The following ANKIB1 variants were observed in gnomAD, a reference collection of about 807,000 sequenced individuals.
The protein encoded by ANKIB1 is ankyrin repeat and IBR domain containing 1.
ANKIB1 carries 43 observed loss-of-function variants against 122.1 expected under a neutral mutation model. The observed-to-expected ratio is 0.35, with a 90% CI of 0.28 to 0.45. ANKIB1 has a LOEUF of 0.45. Among genes scored for constraint, ANKIB1 ranks in the 20% least tolerant of loss-of-function variants. The pLI, the probability that ANKIB1 is intolerant of heterozygous loss-of-function variation, is 1.00. For missense variants in ANKIB1, 992 were observed against 1,329.5 expected, an observed-to-expected ratio of 0.75 and a Z score of 3.95; for synonymous variants, 390 against 442.0, an observed-to-expected ratio of 0.88 and a Z score of 1.48.
intron 1 of ANKIB1, among the ~76,000 whole-genome samples, chr7:92,288,445 C>CTA (rs1375843821): frequency 7.9e-5 from 12 of 152,162 alleles, no homozygotes; most frequent in African/African-American, 2.9e-4. Context: ...TATAGTATTG[C>CTA]TAAAAAGAGA....
intron 1 of ANKIB1, among the ~76,000 whole-genome samples, chr7:92,269,755 A>G (rs1000185485): frequency 4.0e-5 from 6 of 151,402 alleles, no homozygotes; most frequent in African/African-American, 1.5e-4. Flanking sequence ...GTGTTCAACT[A>G]TCTCTTCTAT....
rs1404945634 is a variant in ANKIB1, at chr7:92,371,465, A to G, written c.1487-12A>G. On this transcript the variant is annotated splice_polypyrimidine_tract_variant and intron_variant, in intron 10 of 19. Coordinates refer to ENST00000265742, the MANE Select transcript of ANKIB1 (RefSeq NM_019004.2). Reference sequence around the variant, plus strand: ...ATCATTTATTTTTGTGATTGTGTTTAATATCCCAAAGTTGTGGGAGTTAGT... The same window carrying G: ...ATCATTTATTTTTGTGATTGTGTTTGATATCCCAAAGTTGTGGGAGTTAGT... 3 of 1,598,372 alleles carry G rather than the reference A, an allele frequency of 1.9e-6. No individual in the cohort carries two copies. Among genetic ancestry groups the G allele is most frequent in the Non-Finnish European group, 2.6e-6 (3 of 1,171,486 alleles).
intron 1 of ANKIB1, among the ~76,000 whole-genome samples, chr7:92,274,375 G>T (rs1215134941): frequency 6.6e-6 from 1 of 152,134 alleles, no homozygotes; most frequent in Non-Finnish European, 1.5e-5. Flanking sequence ...AAATTAGTTT[G>T]TAGTAAAGAA....
intron 1 of ANKIB1, among the ~76,000 whole-genome samples, chr7:92,260,402 T>C (rs1801539886): frequency 6.6e-6 from 1 of 152,186 alleles, no homozygotes; most frequent in Admixed American, 6.5e-5. Context: ...CACTTTGGGC[T>C]TGGCCGGTGG....
intron 1 of ANKIB1, among the ~76,000 whole-genome samples, chr7:92,254,602 A>G (rs956461323): frequency 5.3e-5 from 8 of 152,126 alleles, no homozygotes; most frequent in South Asian, 2.1e-4. Flanking sequence ...CCATCTTTCA[A>G]TATATTTGTT....
intron 1 of ANKIB1, 38 bp from the exon 2 acceptor site, chr7:92,294,851 G>T: frequency 1.5e-6 from 1 of 665,558 alleles, no homozygotes; most frequent in African/African-American, 1.8e-5. Flanking sequence ...TGTGATTATT[G>T]TTTTACAATC....
chr7:92,325,264 C>T (rs552192603), intron 4 of ANKIB1, among the ~76,000 whole-genome samples: 1 of 152,302 alleles, frequency 6.6e-6, no homozygotes, highest in South Asian at 2.1e-4. Flanking sequence ...GCTCAACGTT[C>T]TTTTTCTGGC....
At chr7:92,327,371 A>G (rs955023101) in intron 4 of ANKIB1, among the ~76,000 whole-genome samples, 2 of 152,216 alleles carry the variant, frequency 1.3e-5, no homozygotes, top group African/African-American at 4.8e-5. Context: ...ATGTACAGTC[A>G]TCCCTCAGTA....
chr7:92,341,823 C>G lies in ANKIB1; in HGVS notation c.788-1201C>G, dbSNP rs193099526. ...ACCATACTACTCTTGAGATGCTGGG[C>G]GACAGTAGTGAGCCATAGCTCCTAG... On this transcript the variant is annotated intron_variant, in intron 5 of 19. Coordinates refer to ENST00000265742, the MANE Select transcript of ANKIB1 (RefSeq NM_019004.2). Among the ~76,000 whole-genome samples, 550 of 152,194 alleles carry G rather than the reference C, an allele frequency of 3.6e-3. 1 individual carries two copies. The highest frequency in any genetic ancestry group is 6.0e-3 in the Non-Finnish European group (411 of 68,000).
chr7:92,377,995 A>G (rs1276667728), intron 11 of ANKIB1, among the ~76,000 whole-genome samples: 1 of 152,184 alleles, frequency 6.6e-6, no homozygotes. Context: ...AGTGAGTAGA[A>G]CCTTGATATC....
At chr7:92,297,233 C>G (rs944926324) in intron 2 of ANKIB1, among the ~76,000 whole-genome samples, 1 of 152,154 alleles carries the variant, frequency 6.6e-6, no homozygotes, top group Admixed American at 6.6e-5. Context: ...CCCAGCTAGA[C>G]GACTGTAAGC....
At chr7:92,249,131 G>A (rs994384257) in intron 1 of ANKIB1, among the ~76,000 whole-genome samples, 2 of 152,068 alleles carry the variant, frequency 1.3e-5, no homozygotes, top group South Asian at 2.1e-4. Context: ...CAGGTGATCC[G>A]CCTGCCTTGG....
intron 1 of ANKIB1, among the ~76,000 whole-genome samples, chr7:92,271,579 CT>C (rs34062641): frequency 6.6e-6 from 1 of 152,160 alleles, no homozygotes; most frequent in Admixed American, 6.5e-5. Flanking sequence ...AGCCGGAAAA[CT>C]TTTTTAAAAG....
At chr7:92,349,924 T>C (rs377121159) in intron 7 of ANKIB1, among the ~76,000 whole-genome samples, 1 of 151,158 alleles carries the variant, frequency 6.6e-6, no homozygotes, top group East Asian at 1.9e-4. Context: ...TAATCCCAGC[T>C]ACTCACTCAG....
chr7:92,328,795 T>C (rs982754817), intron 5 of ANKIB1, among the ~76,000 whole-genome samples: 2 of 151,698 alleles, frequency 1.3e-5, no homozygotes, highest in Non-Finnish European at 2.9e-5. Context: ...CCAAAATTTT[T>C]ATATAATCTT....
intron 3 of ANKIB1, among the ~76,000 whole-genome samples, chr7:92,308,508 T>C (rs1802614334): frequency 6.6e-6 from 1 of 152,188 alleles, no homozygotes; most frequent in South Asian, 2.1e-4. Context: ...TTGGAGTCTT[T>C]TTAAAATCAC....
chr7:92,303,965 A>G (rs1339410216), intron 2 of ANKIB1, among the ~76,000 whole-genome samples: 1 of 152,110 alleles, frequency 6.6e-6, no homozygotes, highest in Non-Finnish European at 1.5e-5. Flanking sequence ...TATTAGGGTC[A>G]CATGAAAGGG....
intron 10 of ANKIB1, among the ~76,000 whole-genome samples, chr7:92,362,583 C>T (rs1363588730): frequency 1.3e-5 from 2 of 152,056 alleles, no homozygotes; most frequent in Non-Finnish European, 2.9e-5. Context: ...GTGAGCCAAC[C>T]AATTGTTCTG....
chr7:92,371,445 T>C (rs1804253016), intron 10 of ANKIB1, 32 bp from the exon 11 acceptor site: 1 of 1,580,556 alleles, frequency 6.3e-7, no homozygotes, highest in Non-Finnish European at 8.6e-7. Flanking sequence ...ACTAAATCAT[T>C]TATTTTTGTG....
Sources: allele counts gnomAD v4.1 joint callset (sites outside exome capture counted in the v4.1 genomes callset), GRCh38; gene constraint gnomAD v4.1.1; transcripts MANE v1.5; gene names NCBI Gene and HGNC (gene_info 2026-07-23, HGNC 2026-07-21).